The following RNF144A variants were observed in gnomAD, a reference collection of about 807,000 sequenced individuals.
The protein encoded by RNF144A is ring finger protein 144A.
A neutral mutation model predicts 38.7 loss-of-function variants in RNF144A; 11 were observed. The ratio of observed to expected loss-of-function variants is 0.28; its 90% CI spans 0.18 to 0.47. RNF144A has a LOEUF of 0.47. Ranked by LOEUF, RNF144A falls within the 20% of genes least tolerant of loss-of-function variation. The pLI is 0.99. For missense variants in RNF144A, 316 were observed against 377.2 expected, an observed-to-expected ratio of 0.84 and a Z score of 1.34; for synonymous variants, 149 against 143.9, an observed-to-expected ratio of 1.04 and a Z score of -0.25.
chr2:6,976,753 C>T (rs150380536), intron 2 of RNF144A, among the ~76,000 whole-genome samples: 260 of 151,778 alleles, frequency 1.7e-3, no homozygotes, highest in Middle Eastern at 0.01. Context: ...TGAGTATGTA[C>T]TACCCTTTCC....
chr2:7,047,388 C>T (rs1341866738), downstream of RNF144A, among the ~76,000 whole-genome samples: 5 of 152,194 alleles, frequency 3.3e-5, no homozygotes, highest in African/African-American at 1.2e-4. Flanking sequence ...ATTGGACTTA[C>T]AGTTCCACAT....
At chr2:6,974,557 C>G (rs1391366468) in intron 2 of RNF144A, among the ~76,000 whole-genome samples, 2 of 146,864 alleles carry the variant, frequency 1.4e-5, no homozygotes, top group Non-Finnish European at 3.0e-5. Context: ...ATTAACACTG[C>G]TTTTTTTTTT....
At chr2:7,013,552 G>A (rs1478725689) in intron 3 of RNF144A, among the ~76,000 whole-genome samples, 3 of 152,132 alleles carry the variant, frequency 2.0e-5, no homozygotes, top group Non-Finnish European at 2.9e-5. Context: ...TGGGGATGCC[G>A]TTGTAGGATT....
rs1353959660 is a variant in RNF144A at position 6,937,175 on chromosome 2, C to G, written c.-211-3773C>G. ...TAACCAGAGTATATGAAGAACAATT[C>G]TTGATACCTGGGTACACATGCAGCT... On this transcript the variant is annotated intron_variant, in intron 1 of 8. Coordinates refer to ENST00000320892, the MANE Select transcript of RNF144A (RefSeq NM_014746.6). Among the ~76,000 whole-genome samples the G allele has an allele frequency of 2.6e-5, 4 of 152,190 alleles. No homozygotes were observed. In the East Asian group the frequency reaches 7.7e-4, roughly 29 times the overall value.
At chr2:6,982,080 A>G (rs1473713527) in intron 2 of RNF144A, among the ~76,000 whole-genome samples, 1 of 152,154 alleles carries the variant, frequency 6.6e-6, no homozygotes, top group Non-Finnish European at 1.5e-5. Flanking sequence ...GCATGGGGGA[A>G]ACTGCCCCCC....
In RNF144A at chr2:7,042,269, C is replaced by T; in HGVS notation, c.*2509C>T. On this transcript the variant is annotated 3_prime_UTR_variant, in exon 9 of 9. Transcript: ENST00000320892. ...ATGTAAAATGGAAATAGCACACAGGCAGATGGCCCTGGGTTTGGACTTTGA... is the reference window on the plus strand; with the variant it reads ...ATGTAAAATGGAAATAGCACACAGGTAGATGGCCCTGGGTTTGGACTTTGA... 1.0e-6 allele frequency: 1 copy of T among 985,426 alleles called. No individual in the cohort carries two copies. The highest frequency in any genetic ancestry group is 1.2e-6 in the Non-Finnish European group (1 of 829,932). 61.0% of individuals were successfully genotyped at this position (985,426 alleles called of 1,614,324 possible).
chr2:7,021,855 T>C (rs1671553438), intron 6 of RNF144A, among the ~76,000 whole-genome samples: 1 of 152,258 alleles, frequency 6.6e-6, no homozygotes, highest in Admixed American at 6.5e-5. Flanking sequence ...TTCAAAACTT[T>C]AGATGGAGGC....
intron 5 of RNF144A, among the ~76,000 whole-genome samples, chr2:7,020,003 T>A (rs1029450115): frequency 5.3e-5 from 8 of 152,206 alleles, no homozygotes; most frequent in African/African-American, 1.4e-4. Flanking sequence ...CTAGCAGCAT[T>A]TTCCTGGTGC....
downstream of RNF144A, among the ~76,000 whole-genome samples, chr2:7,046,203 G>A (rs1673302220): frequency 2.0e-5 from 3 of 152,304 alleles, no homozygotes; most frequent in Admixed American, 2.0e-4. Flanking sequence ...ACTCAGCTCA[G>A]CTCAGCTCAT....
rs187062518 is a variant in RNF144A, at chr2:6,944,756, C to T, written c.-12+3609C>T. ...TTGTGTTCTCTCTGTTGGCCACGCC[C>T]ACCTCCCAGGACGCTGTGTTTGGGA... is the stretch of plus-strand genomic sequence containing the variant. On this transcript the variant is annotated intron_variant, in intron 2 of 8. Coordinates refer to ENST00000320892, the MANE Select transcript of RNF144A (RefSeq NM_014746.6). The surrounding 1 kb of genome is among the most constrained non-coding windows in gnomAD (Gnocchi z 4.7). 8.5e-5 allele frequency among the ~76,000 whole-genome samples: 13 copies of T among 152,282 alleles called. No individual in the cohort carries two copies. The highest frequency in any genetic ancestry group is 5.2e-4 in the Admixed American group (8 of 15,298).
At chr2:7,056,769 G>T (rs987986604) in intron 6 of RNF144A, among the ~76,000 whole-genome samples, 3 of 152,132 alleles carry the variant, frequency 2.0e-5, no homozygotes, top group Admixed American at 1.3e-4. Context: ...CCCAGTTGTG[G>T]CCTTCTCTTC....
Position 6,939,232 on chromosome 2 carries a change from TCTTGTCTACA to T in RNF144A, c.-211-1710_-211-1701del, listed in dbSNP as rs1665808930. ...TGTAAGGGTTCACATTTCTCCACATTCTTGTCTACACTTGTTATTATCTGTCCTTCGATTC... is the reference window on the plus strand; with the variant it reads ...TGTAAGGGTTCACATTTCTCCACATTCTTGTTATTATCTGTCCTTCGATTC... On this transcript the variant is annotated intron_variant, in intron 1 of 8. Coordinates refer to ENST00000320892, the MANE Select transcript of RNF144A (RefSeq NM_014746.6). Among the ~76,000 whole-genome samples, 4 of 152,328 alleles carry T rather than the reference TCTTGTCTACA, an allele frequency of 2.6e-5. No individual in the cohort carries two copies. The South Asian group carries it at 8.3e-4, about 32-fold the overall frequency.
chr2:6,965,286 G>A (rs1667589844), intron 2 of RNF144A, among the ~76,000 whole-genome samples: 1 of 152,182 alleles, frequency 6.6e-6, no homozygotes, highest in South Asian at 2.1e-4. Flanking sequence ...CAGCTCATGA[G>A]GAGGGTGTGT....
intron 2 of RNF144A, among the ~76,000 whole-genome samples, chr2:6,989,342 TC>T (rs1669187128): frequency 1.3e-5 from 2 of 152,238 alleles, no homozygotes; most frequent in Non-Finnish European, 2.9e-5. Flanking sequence ...GATCCCACTG[TC>T]TACCATCCCT....
chr2:6,929,673 G>A (rs752428159), intron 1 of RNF144A, among the ~76,000 whole-genome samples: 7 of 152,102 alleles, frequency 4.6e-5, no homozygotes, highest in Non-Finnish European at 7.4e-5. Context: ...TGAAGCTTAC[G>A]CAATCGTAGT....
intron 3 of RNF144A, among the ~76,000 whole-genome samples, chr2:6,997,554 TG>T (rs1205629502): frequency 6.6e-6 from 1 of 152,204 alleles, no homozygotes; most frequent in African/African-American, 2.4e-5. Flanking sequence ...AACATTCTTT[TG>T]GGGCCAGATG....
intron 7 of RNF144A, among the ~76,000 whole-genome samples, chr2:7,026,271 T>C (rs1369936355): frequency 6.6e-6 from 1 of 152,182 alleles, no homozygotes; most frequent in Non-Finnish European, 1.5e-5. Context: ...ATTACTAAAT[T>C]AATAGTAGAA....
At chr2:6,932,454 G>T (rs1163692435) in intron 1 of RNF144A, among the ~76,000 whole-genome samples, 2 of 152,056 alleles carry the variant, frequency 1.3e-5, no homozygotes, top group Non-Finnish European at 2.9e-5. Flanking sequence ...ATTGCTATTT[G>T]GAGATTTTTT....
chr2:6,961,687 T>C (rs776466302), intron 2 of RNF144A, among the ~76,000 whole-genome samples: 3 of 152,212 alleles, frequency 2.0e-5, no homozygotes, highest in Non-Finnish European at 4.4e-5. Flanking sequence ...TGACTTTGAA[T>C]ACCCATCCCT....
Sources: gnomAD v4.1 joint callset for allele counts (sites outside exome capture counted in the v4.1 genomes callset) on GRCh38, gnomAD v4.1.1 for gene constraint, Gnocchi (gnomAD v3.1) non-coding constraint, MANE v1.5 for transcripts, NCBI Gene and HGNC (gene_info 2026-07-23, HGNC 2026-07-21) for gene names.